FAXDC2: variants seen among roughly 807,000 people sequenced by gnomAD.
FAXDC2 encodes the protein fatty acid hydroxylase domain containing 2.
FAXDC2 carries 41 observed loss-of-function variants against 40.9 expected under a neutral mutation model. That is an observed-to-expected ratio of 1.00 (90% CI 0.78 to 1.30). The LOEUF (loss-of-function observed/expected upper bound fraction) is 1.30, where lower values mean the gene tolerates loss of function less well. FAXDC2 is among the 50% of genes most tolerant of loss of function. The probability of loss-of-function intolerance (pLI) is 0.00; values close to 1 mark genes in which losing one functional copy is unlikely to be tolerated. For missense variants in FAXDC2, 390 were observed against 408.8 expected (o/e 0.95, Z 0.40); for synonymous variants, 157 against 149.3 (o/e 1.05, Z -0.38).
intron 1 of FAXDC2, among the ~76,000 whole-genome samples, chr5:154,839,694 A>G (rs936353534): frequency 4.6e-5 from 7 of 152,148 alleles, no homozygotes; most frequent in African/African-American, 1.4e-4. Context: ...CTGGCAATAA[A>G]TATTTTATGT....
At chr5:154,822,223 A>G in intron 7 of FAXDC2, 1 of 439,436 alleles carries the variant, frequency 2.3e-6, no homozygotes, top group Non-Finnish European at 4.2e-6. Flanking sequence ...ACACCACTGC[A>G]CTCCAACCTG....
chr5:154,824,790 T>C, intron 5 of FAXDC2: 1 of 502,396 alleles, frequency 2.0e-6, no homozygotes, highest in Non-Finnish European at 3.6e-6. Context: ...ACAACAAATA[T>C]AAAAACATAT....
intron 1 of FAXDC2, among the ~76,000 whole-genome samples, chr5:154,845,678 A>G (rs1760582187): frequency 6.6e-6 from 1 of 152,106 alleles, no homozygotes; most frequent in African/African-American, 2.4e-5. Context: ...GCAAACAAAA[A>G]AAAACAAACT....
chr5:154,822,369 G>T, intron 7 of FAXDC2, 103 bp downstream of exon 7: 1 of 762,772 alleles, frequency 1.3e-6, no homozygotes. Context: ...TTTTAAATGG[G>T]AAGAAAAAGG....
Position 154,823,467 on chromosome 5 carries a change from C to G in FAXDC2, c.492G>C (p.Glu164Asp), listed in dbSNP as rs1377811263. The G allele has an allele frequency of 2.2e-5, 35 of 1,614,084 alleles. No individual in the cohort carries two copies. The highest frequency in any genetic ancestry group is 2.9e-5 in the Non-Finnish European group (34 of 1,180,050). Reference sequence around the variant, plus strand: ...GGAGGAACCAGTGGAAGGTGGGTAGCTCACGGCGGCAGGGGTCTCTCCACC... The same window carrying G: ...GGAGGAACCAGTGGAAGGTGGGTAGGTCACGGCGGCAGGGGTCTCTCCACC... Reference protein sequence around the residue: ...LKWWRDPCRRELPTFHWFLLE... With the variant: ...LKWWRDPCRRDLPTFHWFLLE... Residue 164 changes from glutamate to aspartate, a missense_variant, in exon 6 of 9, where the codon GAG (glutamate) becomes GAC (aspartate). Glu to Asp is a conservative substitution (Grantham distance 45). Transcript: ENST00000326080.
intron 1 of FAXDC2, among the ~76,000 whole-genome samples, chr5:154,845,883 T>A (rs913272292): frequency 3.3e-5 from 5 of 151,420 alleles, no homozygotes; most frequent in African/African-American, 1.2e-4. Flanking sequence ...CCTCCCGGGT[T>A]CAAGCGATTC....
intron 4 of FAXDC2, among the ~76,000 whole-genome samples, chr5:154,833,811 GA>G (rs1444649895): frequency 6.6e-6 from 1 of 151,800 alleles, no homozygotes; most frequent in Non-Finnish European, 1.5e-5. Context: ...GGGATTACAG[GA>G]GCCTGCCACC....
intron 4 of FAXDC2, among the ~76,000 whole-genome samples, chr5:154,832,131 T>TA (rs1760207855): frequency 6.6e-6 from 1 of 152,176 alleles, no homozygotes; most frequent in Non-Finnish European, 1.5e-5. Flanking sequence ...TTCTTGAAGG[T>TA]AAGACAGTGG....
intron 2 of FAXDC2, among the ~76,000 whole-genome samples, chr5:154,837,283 TTTTGTTTGTTTGTTTG>T (rs563450749): frequency 5.3e-5 from 8 of 152,020 alleles, no homozygotes; most frequent in African/African-American, 1.9e-4. Context: ...TTTTTTGTTT[TTTTGTTTGTTTGTTTG>T]TTTGTTTGTT....
Position 154,823,535 on chromosome 5 carries a change from T to C in FAXDC2, c.424A>G (p.Ile142Val), listed in dbSNP as rs368725252. The change falls in exon 6 of 9, where the codon ATA becomes GTA. Residue 142 changes from isoleucine to valine, a missense_variant. By Grantham distance (29) the Ile-to-Val change is conservative. Coordinates refer to ENST00000326080, the MANE Select transcript of FAXDC2 (RefSeq NM_032385.5). ...IRTVLFNQCM[I>V]SFPMVVFLYP... ...AGGAAGACCACCATGGGGAAAGATATCATGCACTGGTTGAAAAGAACTGTG... is the reference window on the plus strand; with the variant it reads ...AGGAAGACCACCATGGGGAAAGATACCATGCACTGGTTGAAAAGAACTGTG... 80 of 1,613,992 alleles carry C rather than the reference T, an allele frequency of 5.0e-5. No homozygotes were observed. The highest frequency in any genetic ancestry group is 1.6e-4 in the Middle Eastern group (1 of 6,084).
chr5:154,838,906 T>TG (rs1023391732), intron 1 of FAXDC2: 4 of 152,136 alleles, frequency 2.6e-5, no homozygotes, highest in African/African-American at 9.7e-5. Context: ...TTTAAAAACA[T>TG]GGACCAAGAT....
In FAXDC2 at chr5:154,822,567, G is replaced by A. The variant is rs1181047773; in HGVS notation, c.583C>T (p.His195Tyr). The change falls in exon 7 of 9, where the codon CAC becomes TAC. Residue 195 changes from histidine to tyrosine, a missense_variant. Transcript: ENST00000326080. Reference protein sequence around the residue: ...LFYYSHRLLHHPTFYKKIHKK... With the variant: ...LFYYSHRLLHYPTFYKKIHKK... ...TGGATTTTCTTGTAGAATGTTGGGT[G>A]GTGAAGGAGCCTGGGGAAATAGTTA... 6.2e-7 allele frequency: 1 copy of A among 1,613,356 alleles called. No individual in the cohort carries two copies. Among genetic ancestry groups the A allele is most frequent in the East Asian group, 2.2e-5 (1 of 44,892 alleles).
chr5:154,823,415 C>T lies in FAXDC2; in HGVS notation c.544G>A (p.Glu182Lys), dbSNP rs199897357. Reference sequence around the variant, plus strand: ...TGTGAATAGTAGAACAAGACTTCCTCGATCAGCGTGAAGATGGCCAGCTCC... The same window carrying T: ...TGTGAATAGTAGAACAAGACTTCCTTGATCAGCGTGAAGATGGCCAGCTCC... ...LLELAIFTLI[E>K]EVLFYYSHRL... Residue 182 changes from glutamate (E) to lysine (K), a missense_variant, in exon 6 of 9, where the codon GAG becomes AAG. Physicochemically the swap from Glu to Lys is moderately conservative, Grantham distance 56. Transcript: ENST00000326080. The T allele has an allele frequency of 6.0e-5, 97 of 1,613,832 alleles. No homozygotes were observed. The highest frequency in any genetic ancestry group is 4.2e-4 in the East Asian group (19 of 44,882).
chr5:154,820,622 A>G, intron 8 of FAXDC2, 150 bp from the exon 9 acceptor site: 1 of 602,496 alleles, frequency 1.7e-6, no homozygotes, highest in Non-Finnish European at 2.8e-6. Context: ...TAAGCTGGGG[A>G]GTTGCTACCA....
At chr5:154,823,310 G>T (rs771779931) in intron 6 of FAXDC2, 77 bp downstream of exon 6, 8 of 1,360,624 alleles carry the variant, frequency 5.9e-6, no homozygotes, top group Non-Finnish European at 8.3e-6. Context: ...CACTGCACCT[G>T]GCCTCAGTTT....
At chr5:154,828,746 G>A (rs933406132) in intron 5 of FAXDC2, among the ~76,000 whole-genome samples, 5 of 150,804 alleles carry the variant, frequency 3.3e-5, no homozygotes, top group African/African-American at 9.8e-5. Context: ...ACAGACACAC[G>A]CCACTGTGCC....
intron 5 of FAXDC2, 24 bp downstream of exon 5, chr5:154,830,777 A>G (rs763700864): frequency 1.2e-6 from 2 of 1,607,226 alleles, no homozygotes; most frequent in South Asian, 2.2e-5. Context: ...CTGTGCTTTG[A>G]CCAGAAGTTG....
At chr5:154,824,956 AC>A (rs1416477239) in intron 5 of FAXDC2, among the ~76,000 whole-genome samples, 6 of 150,204 alleles carry the variant, frequency 4.0e-5, no homozygotes, top group African/African-American at 1.2e-4. Context: ...GGTGGTGTGC[AC>A]CTGTAGTCCC....
intron 4 of FAXDC2, among the ~76,000 whole-genome samples, chr5:154,831,729 G>C (rs1760197367): frequency 6.6e-6 from 1 of 152,164 alleles, no homozygotes; most frequent in African/African-American, 2.4e-5. Flanking sequence ...CAGCACTGTA[G>C]GGGAGTAGGA....
Sources: allele counts gnomAD v4.1 joint callset (sites outside exome capture counted in the v4.1 genomes callset), GRCh38; gene constraint gnomAD v4.1.1; transcripts MANE v1.5; gene names NCBI Gene and HGNC (gene_info 2026-07-23, HGNC 2026-07-21).